CNTN5: variants seen among roughly 807,000 people sequenced by gnomAD.
CNTN5 encodes contactin 5.
Under a neutral mutation model 129.1 loss-of-function variants are expected in CNTN5, and 77 were observed. The ratio of observed to expected loss-of-function variants is 0.60; its 90% CI spans 0.50 to 0.72. The LOEUF is 0.72. CNTN5 is among the 30% of genes least tolerant of loss of function. CNTN5 has a pLI of 0.00. For synonymous variants in CNTN5, 509 were observed against 465.6 expected (o/e 1.09, Z -1.20); for missense variants, 1,478 against 1,328.8 (o/e 1.11, Z -1.75).
Position 99,734,452 on chromosome 11 carries a change from T to A in CNTN5, c.56-85092T>A, listed in dbSNP as rs370839715. On this transcript the variant is annotated intron_variant, in intron 3 of 24. Coordinates refer to ENST00000524871, the MANE Select transcript of CNTN5 (RefSeq NM_014361.4). ...ATCATCTCAGGCCACCATAAGTGTTTTTATCACTCAGAGGGGTCAGCAATT... is the reference window on the plus strand; with the variant it reads ...ATCATCTCAGGCCACCATAAGTGTTATTATCACTCAGAGGGGTCAGCAATT... 9.5e-4 allele frequency among the ~76,000 whole-genome samples: 145 copies of A among 152,316 alleles called. 6 individuals are homozygous for A. In the South Asian group the frequency reaches 0.03, roughly 31 times the overall value.
chr11:100,248,678 G>A (rs546681504), intron 16 of CNTN5, among the ~76,000 whole-genome samples: 46 of 152,300 alleles, frequency 3.0e-4, no homozygotes, highest in South Asian at 1.0e-3. Flanking sequence ...GCAAGTCTCA[G>A]AATTTCACAG....
At chr11:99,642,706 C>T (rs1382911997) in intron 3 of CNTN5, among the ~76,000 whole-genome samples, 1 of 152,138 alleles carries the variant, frequency 6.6e-6, no homozygotes, top group Non-Finnish European at 1.5e-5. Context: ...TTCCTCCTGT[C>T]TAACTATAAC....
chr11:99,921,404 A>G (rs1949935869), intron 7 of CNTN5, among the ~76,000 whole-genome samples: 1 of 152,136 alleles, frequency 6.6e-6, no homozygotes, highest in Non-Finnish European at 1.5e-5. Context: ...TGGATCATGT[A>G]TATCCCAGGT....
intron 9 of CNTN5, among the ~76,000 whole-genome samples, chr11:100,019,215 G>A (rs1940993397): frequency 6.6e-6 from 1 of 151,782 alleles, no homozygotes; most frequent in African/African-American, 2.4e-5. Flanking sequence ...AGATATATTT[G>A]CCTAAACCAA....
chr11:99,918,504 T>C lies in CNTN5; in HGVS notation c.673+2355T>C, dbSNP rs529124792. Among the ~76,000 whole-genome samples, 7 of 152,268 alleles carry C rather than the reference T, an allele frequency of 4.6e-5. No individual in the cohort carries two copies. The East Asian group carries it at 1.4e-3, about 29-fold the overall frequency. On this transcript the variant is annotated intron_variant, in intron 7 of 24. Coordinates refer to ENST00000524871, the MANE Select transcript of CNTN5 (RefSeq NM_014361.4). ...AATGTTTTATGTGTCTTCCCCAGTC[T>C]CACTCTCAGGTGATAAACATGCATC...
At chr11:99,265,893 G>C (rs1228226480) in intron 1 of CNTN5, among the ~76,000 whole-genome samples, 1 of 151,958 alleles carries the variant, frequency 6.6e-6, no homozygotes, top group African/African-American at 2.4e-5. Flanking sequence ...ATAAGGTATA[G>C]AATGATAAAT....
At chr11:99,918,240 C>T (rs971536694) in intron 7 of CNTN5, among the ~76,000 whole-genome samples, 1 of 152,022 alleles carries the variant, frequency 6.6e-6, no homozygotes, top group Non-Finnish European at 1.5e-5. Context: ...ACTGACATTC[C>T]AGTTTGCAAA....
intron 8 of CNTN5, among the ~76,000 whole-genome samples, chr11:99,982,797 C>T (rs141344288): frequency 1.5e-3 from 221 of 152,186 alleles, no homozygotes; most frequent in African/African-American, 4.6e-3. Context: ...CCTGCCACCA[C>T]GCCCAGTTAA....
chr11:99,687,484 T>G (rs190245970), intron 3 of CNTN5, among the ~76,000 whole-genome samples: 7 of 152,328 alleles, frequency 4.6e-5, no homozygotes, highest in Admixed American at 4.6e-4. Context: ...CAACTTTAAC[T>G]GTCCCAGTTC....
chr11:100,159,350 G>A (rs1380336663), intron 13 of CNTN5, among the ~76,000 whole-genome samples: 1 of 151,826 alleles, frequency 6.6e-6, no homozygotes, highest in East Asian at 1.9e-4. Context: ...CACTCTTCTT[G>A]GATATAATGT....
rs114629583 is a variant in CNTN5 at position 99,154,879 on chromosome 11, A to G, written c.-210+133609A>G. Among the ~76,000 whole-genome samples, 221 of 152,232 alleles carry G rather than the reference A, an allele frequency of 1.5e-3. 1 individual carries two copies. The highest frequency in any genetic ancestry group is 5.1e-3 in the African/African-American group (213 of 41,528). On this transcript the variant is annotated intron_variant, in intron 1 of 24. Coordinates refer to ENST00000524871, the MANE Select transcript of CNTN5 (RefSeq NM_014361.4). ...CAGGCCTGGTGGTCACCCTCAGGCTAAAGTCTCCTAAAGAAGCATGAAAAC... is the reference window on the plus strand; with the variant it reads ...CAGGCCTGGTGGTCACCCTCAGGCTGAAGTCTCCTAAAGAAGCATGAAAAC...
intron 4 of CNTN5, among the ~76,000 whole-genome samples, chr11:99,837,555 A>G (rs958030578): frequency 1.3e-5 from 2 of 152,032 alleles, no homozygotes; most frequent in Non-Finnish European, 2.9e-5. Context: ...TATTTTACAT[A>G]CATTTCAGTC....
intron 9 of CNTN5, among the ~76,000 whole-genome samples, chr11:100,023,667 C>T (rs1191682205): frequency 6.6e-6 from 1 of 152,228 alleles, no homozygotes. Flanking sequence ...CTACCCATCT[C>T]TCTGTTATCC....
intron 1 of CNTN5, among the ~76,000 whole-genome samples, chr11:99,048,582 T>C (rs1289419186): frequency 1.3e-5 from 2 of 152,214 alleles, no homozygotes; most frequent in African/African-American, 4.8e-5. Flanking sequence ...ATTCATACTT[T>C]TCACCTGAAG....
chr11:99,572,765 T>TC (rs1949215827), intron 3 of CNTN5, among the ~76,000 whole-genome samples: 1 of 24,362 alleles, frequency 4.1e-5, no homozygotes, highest in African/African-American at 8.3e-5. Context: ...TGAGGGTTTT[T>TC]TTTAAAAAAT....
intron 3 of CNTN5, among the ~76,000 whole-genome samples, chr11:99,610,958 G>A (rs935928469): frequency 1.3e-5 from 2 of 152,146 alleles, no homozygotes; most frequent in African/African-American, 2.4e-5. Context: ...CCAAGTACGC[G>A]TGCACACCAA....
chr11:100,170,548 C>G (rs1947791852), intron 13 of CNTN5, among the ~76,000 whole-genome samples: 1 of 152,004 alleles, frequency 6.6e-6, no homozygotes, highest in Non-Finnish European at 1.5e-5. Context: ...TTTGTACTTA[C>G]AGTTATCCCC....
chr11:99,092,869 T>A, intron 1 of CNTN5, among the ~76,000 whole-genome samples: 1 of 152,106 alleles, frequency 6.6e-6, no homozygotes, highest in Admixed American at 6.5e-5. Flanking sequence ...TGTTGTACCC[T>A]TTCTGTGTTT....
intron 15 of CNTN5, among the ~76,000 whole-genome samples, chr11:100,210,496 C>A (rs1949008539): frequency 6.6e-6 from 1 of 151,788 alleles, no homozygotes; most frequent in Non-Finnish European, 1.5e-5. Flanking sequence ...ATGTGTAACT[C>A]AAGTATTAGA....
Sources: allele counts gnomAD v4.1 joint callset (sites outside exome capture counted in the v4.1 genomes callset), GRCh38; gene constraint gnomAD v4.1.1; transcripts MANE v1.5; gene names NCBI Gene and HGNC (gene_info 2026-07-23, HGNC 2026-07-21).